The following SPTY2D1 variants were observed in gnomAD, a reference collection of about 807,000 sequenced individuals.
SPTY2D1 encodes the protein protein SPT2 homolog.
A neutral mutation model predicts 64.0 loss-of-function variants in SPTY2D1; 21 were observed. That is an observed-to-expected ratio of 0.33 (90% CI 0.23 to 0.47). The LOEUF is 0.47. Ranked by LOEUF, SPTY2D1 falls within the 20% of genes least tolerant of loss-of-function variation. The pLI is 1.00. For synonymous variants in SPTY2D1, 287 were observed against 286.8 expected, an observed-to-expected ratio of 1.00 and a Z score of -0.01; for missense variants, 724 against 837.2, an observed-to-expected ratio of 0.86 and a Z score of 1.67.
At chr11:18,619,713 C>T (rs1427072300) in intron 1 of SPTY2D1, among the ~76,000 whole-genome samples, 4 of 151,968 alleles carry the variant, frequency 2.6e-5, no homozygotes, top group Non-Finnish European at 2.9e-5. Flanking sequence ...GCCAAAATTG[C>T]GCCACTGCAC....
chr11:18,621,378 ACACTGACTT>A (rs1590403452), intron 1 of SPTY2D1, among the ~76,000 whole-genome samples: 5 of 150,606 alleles, frequency 3.3e-5, no homozygotes, highest in South Asian at 2.1e-4. Context: ...AAGAAAAGAA[ACACTGACTT>A]AGGGAACAAA....
At chr11:18,622,083 T>A (rs570911895) in intron 1 of SPTY2D1, among the ~76,000 whole-genome samples, 1 of 688 alleles carries the variant, frequency 1.5e-3, no homozygotes, top group African/African-American at 1.7e-3. Flanking sequence ...TAAGACCCTA[T>A]CTCAAAAAAA....
At chr11:18,627,324 G>T (rs1854514084) in intron 1 of SPTY2D1, among the ~76,000 whole-genome samples, 1 of 151,822 alleles carries the variant, frequency 6.6e-6, no homozygotes, top group South Asian at 2.1e-4. Context: ...AGCAAAGACT[G>T]GAAGGCTGAG....
At chr11:18,628,384 A>T (rs1422306775) in intron 1 of SPTY2D1, among the ~76,000 whole-genome samples, 4 of 152,182 alleles carry the variant, frequency 2.6e-5, no homozygotes, top group Non-Finnish European at 5.9e-5. Flanking sequence ...AGCTAGCAAG[A>T]CCTTTCAAAA....
chr11:18,609,772 C>T lies in SPTY2D1; in HGVS notation c.*89G>A. 1.7e-6 allele frequency: 2 copies of T among 1,188,820 alleles called. No individual in the cohort carries two copies. Among genetic ancestry groups the T allele is most frequent in the Middle Eastern group, 4.0e-4 (2 of 5,032 alleles). The allele number at this position is 1,188,820 out of a possible 1,614,324, so 73.6% of individuals were successfully genotyped here. The stretch of plus-strand genomic sequence containing the variant: ...TCTCCTTGAGTACCCAAGTATAAAT[C>T]TAAAATGATAAGGGGGCTTCTTCAG... On this transcript the variant is annotated 3_prime_UTR_variant, in exon 6 of 6. Coordinates refer to ENST00000336349, the MANE Select transcript of SPTY2D1 (RefSeq NM_194285.3).
At chr11:18,626,660 TCA>T (rs1854504060) in intron 1 of SPTY2D1, among the ~76,000 whole-genome samples, 1 of 152,236 alleles carries the variant, frequency 6.6e-6, no homozygotes, top group Non-Finnish European at 1.5e-5. Flanking sequence ...GTTACGGGCC[TCA>T]GTTTCCTCAT....
chr11:18,634,140 C>G, intron 1 of SPTY2D1, 58 bp downstream of exon 1: 2 of 1,598,700 alleles, frequency 1.3e-6, no homozygotes, highest in Non-Finnish European at 1.7e-6. Context: ...ATGGGCCACA[C>G]ACATTCCGAA....
Position 18,615,322 on chromosome 11 carries a change from T to C in SPTY2D1, c.952A>G (p.Ser318Gly). The change falls in exon 3 of 6, where the codon AGC (serine) becomes GGC (glycine). Residue 318 changes from serine (S) to glycine (G), a missense_variant. Transcript: ENST00000336349. ...VFNGAGKPHS[S>G]TSSPSVPKTS... ...TTTGGGACACTTGGTGAAGAGGTGC[T>C]GGAATGAGGCTTTCCAGCTCCATTA... The C allele has an allele frequency of 1.9e-6, 3 of 1,614,196 alleles. No homozygotes were observed. The highest frequency in any genetic ancestry group is 2.5e-6 in the Non-Finnish European group (3 of 1,180,026).
chr11:18,622,518 C>A (rs1200765405), intron 1 of SPTY2D1, among the ~76,000 whole-genome samples: 1 of 151,684 alleles, frequency 6.6e-6, no homozygotes, highest in Non-Finnish European at 1.5e-5. Context: ...CAGAGCAAGA[C>A]TCTGTCTCAA....
At chr11:18,611,957 G>A (rs145464340) in intron 4 of SPTY2D1, among the ~76,000 whole-genome samples, 2,106 of 152,170 alleles carry the variant, frequency 0.014, 38 homozygotes, top group African/African-American at 0.047. Context: ...TTAGACCAGA[G>A]GAAACTGAAG....
At chr11:18,624,469 C>T (rs2134116135) in intron 1 of SPTY2D1, among the ~76,000 whole-genome samples, 1 of 152,326 alleles carries the variant, frequency 6.6e-6, no homozygotes, top group Middle Eastern at 3.4e-3. Context: ...CTCAGTCATT[C>T]TGCTACACCC....
At position 18,624,210 on chromosome 11, in the gene SPTY2D1, G is replaced by GGAA. The variant is rs67857712; in HGVS notation, c.61-7222_61-7221insTTC. Reference sequence around the variant, plus strand: ...TGGAGAAACATTTTTAAAAAGAGAGGAAAAAAAAAAAAAAGCTTCAGGCTG... The same window carrying GGAA: ...TGGAGAAACATTTTTAAAAAGAGAGGGAAAAAAAAAAAAAAAAGCTTCAGGCTG... On this transcript the variant is annotated intron_variant, in intron 1 of 5. Transcript: ENST00000336349. Among the ~76,000 whole-genome samples the GGAA allele has an allele frequency of 3.4e-3, 482 of 142,034 alleles. 3 individuals are homozygous for GGAA. Among genetic ancestry groups the GGAA allele is most frequent in the African/African-American group, 0.012 (470 of 37,818 alleles). 93.2% of individuals were successfully genotyped at this position (142,034 alleles called of 152,430 possible).
chr11:18,621,374 A>AGAAAAGAAAAGAAAAGAAAC (rs1565161016), intron 1 of SPTY2D1, among the ~76,000 whole-genome samples: 15 of 142,900 alleles, frequency 1.0e-4, no homozygotes, highest in African/African-American at 3.3e-4. Context: ...AGAAAAGAAA[A>AGAAAAGAAAAGAAAAGAAAC]GAAACACTGA....
In SPTY2D1 at chr11:18,622,086, CAAA is replaced by C. The variant is rs747593791; in HGVS notation, c.61-5100_61-5098del. Among the ~76,000 whole-genome samples the C allele has an allele frequency of 8.5e-4, 10 of 11,834 alleles. No homozygotes were observed. The South Asian group carries it at 0.06, about 71-fold the overall frequency. 7.8% of individuals were successfully genotyped at this position (11,834 alleles called of 152,430 possible). On this transcript the variant is annotated intron_variant, in intron 1 of 5. Transcript: ENST00000336349. ...TGAACAACAGAGTAAGACCCTATCT[CAAA>C]AAAAAAAAAAAAAAACCAAAACCAA...
chr11:18,613,417 A>G (rs1364301314), intron 3 of SPTY2D1, among the ~76,000 whole-genome samples: 1 of 152,208 alleles, frequency 6.6e-6, no homozygotes, highest in Non-Finnish European at 1.5e-5. Flanking sequence ...TTTAATATGC[A>G]TGGCTTGTCT....
At chr11:18,633,417 T>C (rs116488939) in intron 1 of SPTY2D1, among the ~76,000 whole-genome samples, 310 of 152,340 alleles carry the variant, frequency 2.0e-3, no homozygotes, top group African/African-American at 7.0e-3. Context: ...GATTAGCTTA[T>C]GCAAAACAGC....
In SPTY2D1 at chr11:18,614,576, G is replaced by A. The variant is rs557734438; in HGVS notation, c.1698C>T (p.Tyr566=). 8 of 1,609,006 alleles carry A rather than the reference G, an allele frequency of 5.0e-6. No individual in the cohort carries two copies. In the South Asian group the frequency reaches 7.7e-5, roughly 16 times the overall value. ...GGGAAATTTTACCTTGGGCAGCTCT[G>A]TAGCCAGATAGGGGAGGCTTCATTC... The part of the protein sequence containing the change: ...MNGMKPPLSG[Y]RAAQGPQRLP... Residue 566 remains tyrosine (Y), a synonymous_variant, in exon 3 of 6, where the codon TAC becomes TAT. Coordinates refer to ENST00000336349, the MANE Select transcript of SPTY2D1 (RefSeq NM_194285.3).
chr11:18,612,364 C>T lies in SPTY2D1; in HGVS notation c.1836G>A (p.Gln612=), dbSNP rs942163989. ...EDFIEDEGEP[Q]EEISKHIREI... ...CTCTAATGTGCTTGGATATTTCTTCCTGAGGCTCTCCTTCATCTTCAATAA... is the reference window on the plus strand; with the variant it reads ...CTCTAATGTGCTTGGATATTTCTTCTTGAGGCTCTCCTTCATCTTCAATAA... Residue 612 remains glutamine (Q), a synonymous_variant, in exon 4 of 6, where the codon CAG becomes CAA. Coordinates refer to ENST00000336349, the MANE Select transcript of SPTY2D1 (RefSeq NM_194285.3). This position sits in a 1 kb window ranked among gnomAD's most constrained non-coding sequence, Gnocchi z 4.6. The T allele has an allele frequency of 6.2e-7, 1 of 1,610,398 alleles. No homozygotes were observed. The highest frequency in any genetic ancestry group is 8.5e-7 in the Non-Finnish European group (1 of 1,178,094).
intron 1 of SPTY2D1, among the ~76,000 whole-genome samples, chr11:18,630,101 G>A (rs112062669): frequency 5.3e-5 from 8 of 151,942 alleles, no homozygotes; most frequent in Admixed American, 4.6e-4. Context: ...CCCAGGAGGC[G>A]GAGGTTACAG....
Sources: allele counts gnomAD v4.1 joint callset (sites outside exome capture counted in the v4.1 genomes callset), GRCh38; gene constraint gnomAD v4.1.1; non-coding constraint Gnocchi (gnomAD v3.1); transcripts MANE v1.5; gene names NCBI Gene and HGNC (gene_info 2026-07-23, HGNC 2026-07-21).